The following SPAG16 variants were observed in gnomAD, a reference collection of about 807,000 sequenced individuals.
SPAG16 encodes the protein sperm associated antigen 16, also known as sperm-associated antigen 16 protein.
In SPAG16, 86 loss-of-function variants were observed where a neutral mutation model predicts 80.4. The ratio of observed to expected loss-of-function variants is 1.07; its 90% CI spans 0.90 to 1.28. The LOEUF is 1.28. Among genes scored for constraint, SPAG16 ranks in the 50% most tolerant of loss-of-function variants. The pLI, the probability that SPAG16 is intolerant of heterozygous loss-of-function variation, is 0.00. For missense variants in SPAG16, 870 were observed against 765.3 expected, an observed-to-expected ratio of 1.14 and a Z score of -1.61; for synonymous variants, 294 against 265.9, an observed-to-expected ratio of 1.11 and a Z score of -1.03.
intron 15 of SPAG16, among the ~76,000 whole-genome samples, chr2:214,357,618 G>T (rs1296110731): frequency 1.3e-5 from 2 of 151,592 alleles, no homozygotes; most frequent in Non-Finnish European, 2.9e-5. Flanking sequence ...TTCTGATATT[G>T]TCCTTTATTT....
chr2:213,443,123 A>ACC (rs1559137983), intron 9 of SPAG16, among the ~76,000 whole-genome samples: 9 of 152,284 alleles, frequency 5.9e-5, no homozygotes, highest in Admixed American at 5.2e-4. Flanking sequence ...ACAGTAAAGA[A>ACC]TTTTAATCTG....
At chr2:213,683,625 A>G (rs747630109) in intron 10 of SPAG16, among the ~76,000 whole-genome samples, 1 of 152,002 alleles carries the variant, frequency 6.6e-6, no homozygotes, top group African/African-American at 2.4e-5. Flanking sequence ...ATTTACTTTT[A>G]TCACATTGAA....
intron 9 of SPAG16, among the ~76,000 whole-genome samples, chr2:213,458,303 C>T (rs1013987495): frequency 1.3e-5 from 2 of 152,034 alleles, no homozygotes; most frequent in African/African-American, 4.8e-5. Context: ...TGCAGTGGCT[C>T]ATGCCTGTAG....
chr2:214,269,948 A>G (rs1186136177), intron 15 of SPAG16, among the ~76,000 whole-genome samples: 1 of 124,660 alleles, frequency 8.0e-6, no homozygotes. Flanking sequence ...GAGATCTTAT[A>G]ATGAATTAAT....
intron 10 of SPAG16, among the ~76,000 whole-genome samples, chr2:213,716,080 A>G (rs1048278735): frequency 8.5e-5 from 13 of 152,140 alleles, no homozygotes; most frequent in African/African-American, 3.1e-4. Context: ...TAATTTTTAC[A>G]TATGACCTCT....
At chr2:213,469,478 C>T (rs1477863844) in intron 9 of SPAG16, among the ~76,000 whole-genome samples, 1 of 151,752 alleles carries the variant, frequency 6.6e-6, no homozygotes, top group African/African-American at 2.4e-5. Flanking sequence ...CTCATTTCTG[C>T]AGCTGGTCAT....
chr2:214,120,049 C>T (rs527685905), intron 14 of SPAG16, among the ~76,000 whole-genome samples: 5 of 151,958 alleles, frequency 3.3e-5, no homozygotes, highest in African/African-American at 4.8e-5. Flanking sequence ...GATGTGTCTT[C>T]TCAATATGAG....
At chr2:214,043,707 C>A (rs970735518) in intron 13 of SPAG16, among the ~76,000 whole-genome samples, 6 of 152,082 alleles carry the variant, frequency 3.9e-5, no homozygotes, top group African/African-American at 1.4e-4. Flanking sequence ...ACCTGAAGAA[C>A]AGTGTAGTGG....
At chr2:213,295,469 ATTAAG>A (rs1465856749) in intron 1 of SPAG16, among the ~76,000 whole-genome samples, 2 of 152,144 alleles carry the variant, frequency 1.3e-5, no homozygotes, top group African/African-American at 2.4e-5. Flanking sequence ...TCACTTAAAA[ATTAAG>A]TTATCTTTCC....
At chr2:213,697,122 G>C (rs1414912248) in intron 10 of SPAG16, among the ~76,000 whole-genome samples, 1 of 152,136 alleles carries the variant, frequency 6.6e-6, no homozygotes, top group East Asian at 1.9e-4. Context: ...AAGGGGATGG[G>C]TAGAAGTTTA....
chr2:213,662,269 G>T (rs1045151133), intron 10 of SPAG16, among the ~76,000 whole-genome samples: 8 of 152,124 alleles, frequency 5.3e-5, no homozygotes. Flanking sequence ...TTTGTAGGAG[G>T]TGGGAGGGGT....
chr2:213,795,822 C>T (rs968654745), intron 10 of SPAG16, among the ~76,000 whole-genome samples: 6 of 152,196 alleles, frequency 3.9e-5, no homozygotes, highest in African/African-American at 9.7e-5. Flanking sequence ...TTTTCCTTCA[C>T]CTTCCACAGT....
intron 13 of SPAG16, among the ~76,000 whole-genome samples, chr2:214,033,684 A>T (rs369212384): frequency 4.6e-5 from 7 of 151,724 alleles, no homozygotes; most frequent in African/African-American, 1.7e-4. Flanking sequence ...ACATTTTACT[A>T]TTTTTTTTTA....
chr2:214,377,692 T>G (rs571927512), intron 15 of SPAG16, among the ~76,000 whole-genome samples: 34 of 152,282 alleles, frequency 2.2e-4, no homozygotes, highest in African/African-American at 7.9e-4. Flanking sequence ...AATTTTCAAC[T>G]GTATGGGGTC....
chr2:213,997,925 A>G (rs948023443), intron 12 of SPAG16, among the ~76,000 whole-genome samples: 4 of 152,262 alleles, frequency 2.6e-5, no homozygotes, highest in Non-Finnish European at 4.4e-5. Context: ...TAAGCAAGGT[A>G]TACACATTTA....
intron 9 of SPAG16, among the ~76,000 whole-genome samples, chr2:213,442,150 A>AAAACAAAC (rs147797455): frequency 6.6e-6 from 1 of 152,032 alleles, no homozygotes; most frequent in African/African-American, 2.4e-5. Context: ...TCCGTCTCAA[A>AAAACAAAC]AAACAAACAA....
Position 214,296,507 on chromosome 2 carries a change from T to C in SPAG16, c.1721-113633T>C, listed in dbSNP as rs1267770480. Reference sequence around the variant, plus strand: ...GAGGTTTTACTAATTTACACTCCCATAGTGTACAAACATTCTCTTTTCTCC... The same window carrying C: ...GAGGTTTTACTAATTTACACTCCCACAGTGTACAAACATTCTCTTTTCTCC... On this transcript the variant is annotated intron_variant, in intron 15 of 15. Transcript: ENST00000331683. 8.5e-5 allele frequency among the ~76,000 whole-genome samples: 13 copies of C among 152,290 alleles called. No individual in the cohort carries two copies. In the East Asian group the frequency reaches 2.1e-3, roughly 25 times the overall value.
At chr2:213,779,568 A>C (rs1300834532) in intron 10 of SPAG16, among the ~76,000 whole-genome samples, 1 of 152,152 alleles carries the variant, frequency 6.6e-6, no homozygotes, top group Non-Finnish European at 1.5e-5. Context: ...AAAGAGGGAG[A>C]GGTAACCGCT....
intron 14 of SPAG16, among the ~76,000 whole-genome samples, chr2:214,145,135 A>G (rs1470236787): frequency 6.6e-6 from 1 of 152,112 alleles, no homozygotes; most frequent in Non-Finnish European, 1.5e-5. Context: ...TAAATTATTA[A>G]TGACCTCATT....
Sources: gnomAD v4.1 joint callset for allele counts (sites outside exome capture counted in the v4.1 genomes callset) on GRCh38, gnomAD v4.1.1 for gene constraint, MANE v1.5 for transcripts, NCBI Gene and HGNC (gene_info 2026-07-23, HGNC 2026-07-21) for gene names.